Variants in SLC45A4 observed in about 807,000 individuals in gnomAD.
SLC45A4 encodes the protein solute carrier family 45 member 4, also known as polyamine-transporter SLC45A4.
SLC45A4 carries 32 observed loss-of-function variants against 63.7 expected under a neutral mutation model. The ratio of observed to expected loss-of-function variants is 0.50; its 90% CI spans 0.38 to 0.67. SLC45A4 has a LOEUF of 0.67. Ranked by LOEUF, SLC45A4 falls within the 30% of genes least tolerant of loss-of-function variation. The pLI, the probability that SLC45A4 is intolerant of heterozygous loss-of-function variation, is 0.00. For synonymous variants in SLC45A4, 535 were observed against 510.0 expected, an observed-to-expected ratio of 1.05 and a Z score of -0.66; for missense variants, 1,027 against 1,157.7, an observed-to-expected ratio of 0.89 and a Z score of 1.64.
intron 2 of SLC45A4, among the ~76,000 whole-genome samples, chr8:141,231,774 C>T (rs1047730478): frequency 2.6e-5 from 4 of 152,232 alleles, no homozygotes; most frequent in African/African-American, 7.2e-5. Context: ...CACACGGCAC[C>T]GAGCCATGGA....
At chr8:141,228,299 C>T (rs764827448) in intron 2 of SLC45A4, 2 of 1,609,314 alleles carry the variant, frequency 1.2e-6, no homozygotes, top group Non-Finnish European at 1.7e-6. Flanking sequence ...CTGTGCCAGG[C>T]ACCTCCCAGC....
At chr8:141,282,691 G>A (rs143071505) in intron 1 of SLC45A4, among the ~76,000 whole-genome samples, 219 of 152,386 alleles carry the variant, frequency 1.4e-3, no homozygotes, top group African/African-American at 5.0e-3. Flanking sequence ...GGTAACAGAT[G>A]CCAAGAAGTC....
At chr8:141,239,129 G>A (rs544753123) in intron 2 of SLC45A4, among the ~76,000 whole-genome samples, 1 of 152,198 alleles carries the variant, frequency 6.6e-6, no homozygotes, top group Admixed American at 6.5e-5. Flanking sequence ...GATGCTTGCT[G>A]TGACAAAGCC....
rs1166975564 is a variant in SLC45A4 at position 141,209,751 on chromosome 8, G to A, written c.*1821C>T. The A allele has an allele frequency of 1.3e-5, 2 of 152,302 alleles. No individual in the cohort carries two copies. The highest frequency in any genetic ancestry group is 4.8e-5 in the African/African-American group (2 of 41,458). The allele number at this position is 152,302 out of a possible 1,614,324, so 9.4% of individuals were successfully genotyped here. The stretch of plus-strand genomic sequence containing the variant: ...GTGACTGTGGCAAGGCCATGTGGAG[G>A]GCACTGAATGGCCTTTGTTGTCCTT... On this transcript the variant is annotated 3_prime_UTR_variant, in exon 9 of 9. Coordinates refer to ENST00000517878, the MANE Select transcript of SLC45A4 (RefSeq NM_001286646.2).
chr8:141,239,233 G>A lies in SLC45A4; in HGVS notation c.241+14756C>T, dbSNP rs143169970. 5.4e-3 allele frequency among the ~76,000 whole-genome samples: 816 copies of A among 152,306 alleles called. 13 individuals carry two copies. The highest frequency in any genetic ancestry group is 0.019 in the African/African-American group (777 of 41,552). On this transcript the variant is annotated intron_variant, in intron 2 of 8. Coordinates refer to ENST00000517878, the MANE Select transcript of SLC45A4 (RefSeq NM_001286646.2). Reference sequence around the variant, plus strand: ...GTTTAGGGTTAGCTAGGTGCTGAGTGTGGTTTTTCAAAACAGGAAGACAAA... The same window carrying A: ...GTTTAGGGTTAGCTAGGTGCTGAGTATGGTTTTTCAAAACAGGAAGACAAA...
intron 2 of SLC45A4, chr8:141,225,725 G>A (rs1393883911): frequency 6.6e-6 from 1 of 152,600 alleles, no homozygotes; most frequent in Non-Finnish European, 1.5e-5. Flanking sequence ...GGGCACTGGG[G>A]GGAACCGCTA....
chr8:141,276,099 A>T (rs1829718661), intron 1 of SLC45A4, among the ~76,000 whole-genome samples: 1 of 152,000 alleles, frequency 6.6e-6, no homozygotes, highest in Non-Finnish European at 1.5e-5. Context: ...ATGGGATCTC[A>T]CTATGCTGCA....
intron 1 of SLC45A4, among the ~76,000 whole-genome samples, chr8:141,266,929 T>C (rs910267460): frequency 1.3e-5 from 2 of 152,232 alleles, no homozygotes; most frequent in African/African-American, 4.8e-5. Flanking sequence ...AATGAAGTAT[T>C]AATTTTCTAA....
chr8:141,299,152 A>T (rs1310743253), intron 1 of SLC45A4, among the ~76,000 whole-genome samples: 1 of 152,168 alleles, frequency 6.6e-6, no homozygotes, highest in Non-Finnish European at 1.5e-5. Context: ...TACCACACGG[A>T]AGCAGAAGCT....
chr8:141,291,901 G>C (rs1282573781), intron 1 of SLC45A4, among the ~76,000 whole-genome samples: 1 of 152,234 alleles, frequency 6.6e-6, no homozygotes, highest in African/African-American at 2.4e-5. Flanking sequence ...CATAACCAAA[G>C]CACAGGCCGT....
intron 1 of SLC45A4, among the ~76,000 whole-genome samples, chr8:141,289,121 G>A (rs1357533431): frequency 2.6e-5 from 4 of 152,218 alleles, no homozygotes; most frequent in Non-Finnish European, 4.4e-5. Flanking sequence ...GCCTGGGGAA[G>A]AGGATGATCG....
intron 8 of SLC45A4, 93 bp downstream of exon 8, chr8:141,212,104 G>T: frequency 7.0e-7 from 1 of 1,433,534 alleles, no homozygotes; most frequent in South Asian, 1.5e-5. Context: ...GGGTTCCGCG[G>T]TGTCTCTGCT....
intron 1 of SLC45A4, among the ~76,000 whole-genome samples, chr8:141,282,405 G>A (rs1286809346): frequency 6.6e-6 from 1 of 152,182 alleles, no homozygotes; most frequent in Non-Finnish European, 1.5e-5. Context: ...GCAGCCACTA[G>A]TCAAGCTCAC....
At chr8:141,222,032 G>C (rs903610293) in intron 2 of SLC45A4, among the ~76,000 whole-genome samples, 2 of 152,258 alleles carry the variant, frequency 1.3e-5, no homozygotes, top group African/African-American at 2.4e-5. Flanking sequence ...GCACTGGCCC[G>C]AGCCTAAGGG....
chr8:141,253,400 C>A, intron 2 of SLC45A4: 1 of 208,006 alleles, frequency 4.8e-6, no homozygotes. Context: ...TTTGGAAATG[C>A]CTGTCTCTGA....
rs186534766 is a variant in SLC45A4, at chr8:141,222,580, C to T, written c.242-815G>A. On this transcript the variant is annotated intron_variant, in intron 2 of 8. Transcript: ENST00000517878. The stretch of plus-strand genomic sequence containing the variant: ...TTCAAACTCTGTCCCTGAGTTGACA[C>T]GCTGCCTCCCTATCACAGAAACCCG... 2.8e-4 allele frequency among the ~76,000 whole-genome samples: 43 copies of T among 152,360 alleles called. No homozygotes were observed. The East Asian group carries it at 3.5e-3, about 12-fold the overall frequency.
chr8:141,215,948 G>A lies in SLC45A4; in HGVS notation c.1752C>T (p.Asp584=). The A allele has an allele frequency of 2.5e-6, 4 of 1,613,866 alleles. No homozygotes were observed. Among genetic ancestry groups the A allele is most frequent in the Admixed American group, 1.7e-5 (1 of 60,012 alleles). Residue 584 remains aspartate (D), a synonymous_variant, in exon 7 of 9, where the codon GAC becomes GAT. Transcript: ENST00000517878. The surrounding 1 kb of genome is among the most constrained non-coding windows in gnomAD (Gnocchi z 4.3). The part of the protein sequence containing the change: ...ICSALLQKYL[D]NYDLSVRVIY... ...TCACCCTGACGCTCAGGTCGTAGTT[G>A]TCCAAGTACTTCTGTAACAGGGCTG...
chr8:141,250,660 A>G (rs548804550), intron 2 of SLC45A4, among the ~76,000 whole-genome samples: 91 of 152,300 alleles, frequency 6.0e-4, no homozygotes, highest in Non-Finnish European at 1.1e-3. Context: ...GATTATAGGC[A>G]TGAGCCAGAG....
At chr8:141,228,095 G>A in intron 2 of SLC45A4, 2 of 1,551,368 alleles carry the variant, frequency 1.3e-6, no homozygotes, top group East Asian at 2.3e-5. Flanking sequence ...GAGCTGTTGG[G>A]TGCCCGAGAG....
Sources: allele counts gnomAD v4.1 joint callset (sites outside exome capture counted in the v4.1 genomes callset), GRCh38; gene constraint gnomAD v4.1.1; non-coding constraint Gnocchi (gnomAD v3.1); transcripts MANE v1.5; gene names NCBI Gene and HGNC (gene_info 2026-07-23, HGNC 2026-07-21).